Variants in ENDOD1 observed in about 807,000 individuals in gnomAD.
ENDOD1 encodes endonuclease domain containing 1.
Under a neutral mutation model 6.5 loss-of-function variants are expected in ENDOD1, and 9 were observed. That is an observed-to-expected ratio of 1.39 (90% CI 0.84 to 2.43). ENDOD1 has a LOEUF of 2.43. Ranked by LOEUF, ENDOD1 falls within the 30% of genes most tolerant of loss-of-function variation. The probability of loss-of-function intolerance (pLI) is 0.00; values close to 1 mark genes in which losing one functional copy is unlikely to be tolerated. For missense variants in ENDOD1, 648 were observed against 635.5 expected (o/e 1.02, Z -0.21); for synonymous variants, 255 against 255.2 (o/e 1.00, Z 0.01).
At chr11:95,116,957 A>C (rs1859215249) in intron 1 of ENDOD1, among the ~76,000 whole-genome samples, 1 of 152,196 alleles carries the variant, frequency 6.6e-6, no homozygotes, top group African/African-American at 2.4e-5. Flanking sequence ...AATGGGATTA[A>C]ATATCTATTA....
intron 1 of ENDOD1, among the ~76,000 whole-genome samples, chr11:95,125,393 A>T (rs1859301572): frequency 6.6e-6 from 1 of 152,158 alleles, no homozygotes; most frequent in Non-Finnish European, 1.5e-5. Context: ...TATCTTTCAG[A>T]TATAAGAGAG....
In ENDOD1 at chr11:95,129,302, T is replaced by G; in HGVS notation, c.1226T>G (p.Ile409Ser). ...GTGCTCAAGGTCGTGGCCAAAGTCA[T>G]CAGGGCTCTCCTCCGGATCCTTTGT... ...WKVLKVVAKV[I>S]RALLRILCCL... is the part of the protein sequence containing the mutation. The change falls in exon 2 of 2, where the codon ATC becomes AGC. Residue 409 changes from isoleucine (I) to serine (S), a missense_variant. Physicochemically the swap from Ile to Ser is moderately radical, Grantham distance 142. Transcript: ENST00000278505. 6.2e-7 allele frequency: 1 copy of G among 1,614,182 alleles called. No homozygotes were observed. Among genetic ancestry groups the G allele is most frequent in the Non-Finnish European group, 8.5e-7 (1 of 1,180,038 alleles).
chr11:95,103,587 C>T (rs1055816936), intron 1 of ENDOD1, among the ~76,000 whole-genome samples: 5 of 152,200 alleles, frequency 3.3e-5, no homozygotes, highest in African/African-American at 1.2e-4. Context: ...GTTTACTTAA[C>T]TCTCTCTCAC....
At chr11:95,128,059 C>T (rs922097764) in intron 1 of ENDOD1, among the ~76,000 whole-genome samples, 1 of 152,132 alleles carries the variant, frequency 6.6e-6, no homozygotes, top group Non-Finnish European at 1.5e-5. Flanking sequence ...CGCACCTGGC[C>T]CCAGACTACA....
intron 1 of ENDOD1, among the ~76,000 whole-genome samples, chr11:95,107,132 T>G (rs1325099074): frequency 6.6e-6 from 1 of 151,992 alleles, no homozygotes; most frequent in East Asian, 2.0e-4. Flanking sequence ...TAGAATCACC[T>G]GGGGAAATTT....
At chr11:95,104,416 C>T (rs1555111228) in intron 1 of ENDOD1, among the ~76,000 whole-genome samples, 1 of 150,380 alleles carries the variant, frequency 6.6e-6, no homozygotes, top group Non-Finnish European at 1.5e-5. Flanking sequence ...CACTGCACTC[C>T]AGCCTGGGCA....
intron 1 of ENDOD1, 23 bp from the exon 2 acceptor site, chr11:95,128,354 C>A: frequency 6.3e-7 from 1 of 1,598,714 alleles, no homozygotes; most frequent in Admixed American, 1.7e-5. Context: ...GGATGCATCT[C>A]ACCACTTGTT....
rs1423517321 is a variant in ENDOD1, at chr11:95,131,896, C to T, written c.*2317C>T. 6.6e-6 allele frequency: 1 copy of T among 152,146 alleles called. No homozygotes were observed. The highest frequency in any genetic ancestry group is 2.4e-5 in the African/African-American group (1 of 41,412). 9.4% of individuals were successfully genotyped at this position (152,146 alleles called of 1,614,324 possible). A position where few individuals can be genotyped will look rare whatever the true frequency, so the allele number is the denominator to read the frequency against. On this transcript the variant is annotated 3_prime_UTR_variant, in exon 2 of 2. Transcript: ENST00000278505. Reference sequence around the variant, plus strand: ...TATTCTTGGGTGGCCAGTTTTGAAACCTAAAAAGGGACAATAAAGCAAAAA... The same window carrying T: ...TATTCTTGGGTGGCCAGTTTTGAAATCTAAAAAGGGACAATAAAGCAAAAA...
intron 1 of ENDOD1, among the ~76,000 whole-genome samples, chr11:95,122,538 C>A (rs1859271624): frequency 1.3e-5 from 2 of 149,648 alleles, no homozygotes; most frequent in African/African-American, 4.9e-5. Flanking sequence ...CCATGCCTGG[C>A]CTATTACTAT....
intron 1 of ENDOD1, among the ~76,000 whole-genome samples, chr11:95,118,435 T>C (rs74539085): frequency 6.6e-6 from 1 of 151,758 alleles, no homozygotes; most frequent in Non-Finnish European, 1.5e-5. Context: ...AATGTACTAC[T>C]CTTAGGGTAA....
chr11:95,129,605 C>T lies in ENDOD1; in HGVS notation c.*26C>T, dbSNP rs1329540237. ...ACTCAAAAAACTAATAGTATCCAGT[C>T]ACAGTGAATTTGAAAGCTGGAATAG... On this transcript the variant is annotated 3_prime_UTR_variant, in exon 2 of 2. Transcript: ENST00000278505. 3 of 1,581,246 alleles carry T rather than the reference C, an allele frequency of 1.9e-6. No individual in the cohort carries two copies. Among genetic ancestry groups the T allele is most frequent in the Non-Finnish European group, 2.6e-6 (3 of 1,162,282 alleles).
Position 95,131,924 on chromosome 11 carries a change from A to G in ENDOD1, c.*2345A>G, listed in dbSNP as rs1296630470. 6.6e-6 allele frequency: 1 copy of G among 152,148 alleles called. No homozygotes were observed. Among genetic ancestry groups the G allele is most frequent in the East Asian group, 1.9e-4 (1 of 5,190 alleles). The allele number at this position is 152,148 out of a possible 1,614,324, so 9.4% of individuals were successfully genotyped here. ...AAAAAGGGACAATAAAGCAAAAAGT[A>G]TCAGTAAGGATAGGTGGCTGAGACC... On this transcript the variant is annotated 3_prime_UTR_variant, in exon 2 of 2. Coordinates refer to ENST00000278505, the MANE Select transcript of ENDOD1 (RefSeq NM_015036.3).
Position 95,130,246 on chromosome 11 carries a change from T to C in ENDOD1, c.*667T>C, listed in dbSNP as rs1023498184. On this transcript the variant is annotated 3_prime_UTR_variant, in exon 2 of 2. Transcript: ENST00000278505. ...GTAATGATAAGCATTTTTTAAAAAA[T>C]CATTTTTAGGTAATGGTAAGCATTT... 1 of 152,204 alleles carries C rather than the reference T, an allele frequency of 6.6e-6. No individual in the cohort carries two copies. The highest frequency in any genetic ancestry group is 1.5e-5 in the Non-Finnish European group (1 of 68,030). The allele number at this position is 152,204 out of a possible 1,614,324, so 9.4% of individuals were successfully genotyped here. A position where few individuals can be genotyped will look rare whatever the true frequency, so the allele number is the denominator to read the frequency against.
At chr11:95,104,885 C>A (rs932745599) in intron 1 of ENDOD1, among the ~76,000 whole-genome samples, 1 of 152,128 alleles carries the variant, frequency 6.6e-6, no homozygotes, top group Non-Finnish European at 1.5e-5. Context: ...CATCTAGGAG[C>A]CTTCACACCC....
intron 1 of ENDOD1, among the ~76,000 whole-genome samples, chr11:95,093,430 G>A (rs1387233094): frequency 6.6e-6 from 1 of 152,140 alleles, no homozygotes; most frequent in Non-Finnish European, 1.5e-5. Flanking sequence ...CTGCTGAGGT[G>A]TCACCTCCTC....
chr11:95,123,457 G>A (rs1859281959), intron 1 of ENDOD1, among the ~76,000 whole-genome samples: 1 of 151,880 alleles, frequency 6.6e-6, no homozygotes. Context: ...TTTAGGAAAG[G>A]GCTGAGAGTC....
chr11:95,092,351 A>T (rs1858939068), intron 1 of ENDOD1, among the ~76,000 whole-genome samples: 1 of 152,306 alleles, frequency 6.6e-6, no homozygotes, highest in South Asian at 2.1e-4. Context: ...AGGCAGAGCC[A>T]TTTATGCAGC....
intron 1 of ENDOD1, among the ~76,000 whole-genome samples, chr11:95,103,100 G>GTGTGTGTGTGTGTGT (rs1555111075): frequency 5.8e-5 from 5 of 85,552 alleles, no homozygotes; most frequent in Non-Finnish European, 9.0e-5. Context: ...AGGCAGAGTG[G>GTGTGTGTGTGTGTGT]GTGTGTGTGT....
intron 1 of ENDOD1, among the ~76,000 whole-genome samples, chr11:95,105,003 G>T (rs1555111292): frequency 6.6e-6 from 1 of 152,192 alleles, no homozygotes; most frequent in African/African-American, 2.4e-5. Flanking sequence ...CTGGCATGGA[G>T]GTGGGTGGGA....
Sources: gnomAD v4.1 joint callset for allele counts (sites outside exome capture counted in the v4.1 genomes callset) on GRCh38, gnomAD v4.1.1 for gene constraint, MANE v1.5 for transcripts, NCBI Gene and HGNC (gene_info 2026-07-23, HGNC 2026-07-21) for gene names.